Variants in CAMTA1 observed in about 807,000 individuals in gnomAD.
CAMTA1 encodes the protein calmodulin-binding transcription activator 1.
CAMTA1 carries 27 observed loss-of-function variants against 170.9 expected under a neutral mutation model. The ratio of observed to expected loss-of-function variants is 0.16; its 90% CI spans 0.12 to 0.22. CAMTA1 has a LOEUF of 0.22. Ranked by LOEUF, CAMTA1 falls within the 10% of genes least tolerant of loss-of-function variation. CAMTA1 has a pLI of 1.00. For missense variants in CAMTA1, 1,619 were observed against 2,217.2 expected, an observed-to-expected ratio of 0.73 and a Z score of 5.42; for synonymous variants, 833 against 891.5, an observed-to-expected ratio of 0.93 and a Z score of 1.17.
At chr1:7,492,627 G>A (rs892832703) in intron 6 of CAMTA1, among the ~76,000 whole-genome samples, 7 of 73,808 alleles carry the variant, frequency 9.5e-5, no homozygotes, top group South Asian at 4.6e-4. Context: ...GTACATACAC[G>A]CGCACACAAA....
intron 5 of CAMTA1, among the ~76,000 whole-genome samples, chr1:7,352,455 C>T (rs772722242): frequency 5.2e-4 from 79 of 152,164 alleles, no homozygotes; most frequent in Non-Finnish European, 8.4e-4. Context: ...GACATCTTGT[C>T]GGGTTATTAA....
chr1:7,629,007 G>C (rs1239559913), intron 6 of CAMTA1, among the ~76,000 whole-genome samples: 2 of 152,234 alleles, frequency 1.3e-5, no homozygotes, highest in Non-Finnish European at 2.9e-5. Context: ...GAGGACCTTT[G>C]CCCTACAGGA....
chr1:7,607,298 G>C (rs931361413), intron 6 of CAMTA1, among the ~76,000 whole-genome samples: 2 of 151,654 alleles, frequency 1.3e-5, no homozygotes, highest in Admixed American at 6.6e-5. Flanking sequence ...GTGTGTGGAT[G>C]GTTGGATGGA....
At chr1:7,543,411 C>G (rs778338572) in intron 6 of CAMTA1, among the ~76,000 whole-genome samples, 5 of 152,122 alleles carry the variant, frequency 3.3e-5, no homozygotes, top group Admixed American at 6.5e-5. Context: ...GCATTTACCC[C>G]GAGATAGCTT....
rs190648677 is a variant in CAMTA1 at position 6,789,170 on chromosome 1, G to A, written c.45+3595G>A. 2.0e-5 allele frequency among the ~76,000 whole-genome samples: 3 copies of A among 151,868 alleles called. No homozygotes were observed. In the East Asian group the frequency reaches 5.8e-4, roughly 29 times the overall value. ...CATACACAGAGCAACCTCTACTCAA[G>A]GTCAGATTGGGTCAGCTTTTCCTTT... On this transcript the variant is annotated intron_variant, in intron 1 of 22. Transcript: ENST00000303635.
At chr1:7,210,358 C>G (rs1658533354) in intron 4 of CAMTA1, among the ~76,000 whole-genome samples, 1 of 152,094 alleles carries the variant, frequency 6.6e-6, no homozygotes, top group African/African-American at 2.4e-5. Flanking sequence ...TTCCTTAGGA[C>G]CAGATTCAGG....
chr1:7,199,211 C>T (rs1002839817), intron 4 of CAMTA1, among the ~76,000 whole-genome samples: 2 of 152,206 alleles, frequency 1.3e-5, no homozygotes, highest in African/African-American at 4.8e-5. Flanking sequence ...GGATTGGAGC[C>T]CGCCCCCACG....
chr1:7,035,049 G>C (rs1703386913), intron 3 of CAMTA1, among the ~76,000 whole-genome samples: 1 of 152,164 alleles, frequency 6.6e-6, no homozygotes, highest in South Asian at 2.1e-4. Flanking sequence ...TGTTTTAAAA[G>C]CACATTAGAA....
At chr1:6,881,463 A>C (rs1671554591) in intron 3 of CAMTA1, among the ~76,000 whole-genome samples, 1 of 152,188 alleles carries the variant, frequency 6.6e-6, no homozygotes, top group South Asian at 2.1e-4. Context: ...TGAGATAGAC[A>C]GAGATAGATT....
intron 3 of CAMTA1, among the ~76,000 whole-genome samples, chr1:6,997,156 A>C (rs1697388504): frequency 6.6e-6 from 1 of 152,100 alleles, no homozygotes. Context: ...TTTTTTTGTG[A>C]ATGTTCTACA....
intron 3 of CAMTA1, among the ~76,000 whole-genome samples, chr1:6,955,433 C>T (rs954952276): frequency 6.6e-6 from 1 of 152,168 alleles, no homozygotes; most frequent in Admixed American, 6.5e-5. Context: ...AGGCCAGGTC[C>T]AGGAAATAGT....
intron 5 of CAMTA1, among the ~76,000 whole-genome samples, chr1:7,357,449 C>T (rs2085208022): frequency 6.6e-6 from 1 of 152,132 alleles, no homozygotes; most frequent in Non-Finnish European, 1.5e-5. Context: ...CCCCACCTGG[C>T]TGCAGAACCC....
Position 7,300,161 on chromosome 1 carries a change from G to A in CAMTA1, c.438+50535G>A, listed in dbSNP as rs749414016. ...CAATAAAGCACCAGATTGAATGTCCGATGAGTCACAAATGCCCTTCTGAAA... is the reference window on the plus strand; with the variant it reads ...CAATAAAGCACCAGATTGAATGTCCAATGAGTCACAAATGCCCTTCTGAAA... On this transcript the variant is annotated intron_variant, in intron 5 of 22. Transcript: ENST00000303635. The surrounding 1 kb of genome is among the most constrained non-coding windows in gnomAD (Gnocchi z 4.1). Among the ~76,000 whole-genome samples, 19 of 152,238 alleles carry A rather than the reference G, an allele frequency of 1.2e-4. No homozygotes were observed. Among genetic ancestry groups the A allele is most frequent in the South Asian group, 2.1e-4 (1 of 4,818 alleles).
chr1:7,528,825 GAATGAATGAATGAAGT>G (rs889898763), intron 6 of CAMTA1, among the ~76,000 whole-genome samples: 1 of 147,622 alleles, frequency 6.8e-6, no homozygotes. Context: ...ATGAATGAAT[GAATGAATGAATGAAGT>G]GAGTGAATGA....
chr1:7,630,771 G>A (rs1240630886), intron 6 of CAMTA1, among the ~76,000 whole-genome samples: 2 of 152,226 alleles, frequency 1.3e-5, no homozygotes, highest in Non-Finnish European at 2.9e-5. Flanking sequence ...CCATCGCTCA[G>A]AATCCTCCAG....
chr1:7,458,182 T>G (rs987054636), intron 5 of CAMTA1, among the ~76,000 whole-genome samples: 9 of 152,202 alleles, frequency 5.9e-5, no homozygotes, highest in Non-Finnish European at 1.3e-4. Context: ...ATGGCCAGAC[T>G]GGGCCACCTG....
intron 5 of CAMTA1, among the ~76,000 whole-genome samples, chr1:7,272,089 T>A (rs1197307363): frequency 6.6e-6 from 1 of 152,120 alleles, no homozygotes; most frequent in Non-Finnish European, 1.5e-5. Context: ...TATATCTATA[T>A]ACATGAGCAA....
At chr1:7,519,349 G>A (rs1411479620) in intron 6 of CAMTA1, among the ~76,000 whole-genome samples, 1 of 151,978 alleles carries the variant, frequency 6.6e-6, no homozygotes, top group Non-Finnish European at 1.5e-5. Context: ...CCTGCTCACG[G>A]CAGCTCCACA....
chr1:7,556,609 C>T (rs571717864), intron 6 of CAMTA1, among the ~76,000 whole-genome samples: 3 of 152,192 alleles, frequency 2.0e-5, no homozygotes, highest in Admixed American at 6.5e-5. Context: ...TTCCTGCTCT[C>T]AAACCCCATC....
Sources: allele counts gnomAD v4.1 joint callset (sites outside exome capture counted in the v4.1 genomes callset), GRCh38; gene constraint gnomAD v4.1.1; non-coding constraint Gnocchi (gnomAD v3.1); transcripts MANE v1.5; gene names NCBI Gene and HGNC (gene_info 2026-07-23, HGNC 2026-07-21).